Variants in SPEF2 observed in about 807,000 individuals in gnomAD.
SPEF2 encodes the protein sperm flagella and cilia-associated protein 2.
A neutral mutation model predicts 224.6 loss-of-function variants in SPEF2; 187 were observed. That is an observed-to-expected ratio of 0.83 (90% CI 0.74 to 0.94). The LOEUF is 0.94. SPEF2 is among the 40% of genes least tolerant of loss of function. SPEF2 has a pLI of 0.00. For missense variants in SPEF2, 2,170 were observed against 2,135.6 expected (o/e 1.02, Z -0.32); for synonymous variants, 715 against 707.3 (o/e 1.01, Z -0.17).
At chr5:35,694,187 T>C (rs1187833913) in intron 12 of SPEF2, 101 bp from the exon 13 acceptor site, 4 of 832,348 alleles carry the variant, frequency 4.8e-6, no homozygotes, top group Non-Finnish European at 7.6e-6. Flanking sequence ...CAAAAAGTAT[T>C]GTATTTGTTC....
chr5:35,758,599 A>T (rs886068783), intron 24 of SPEF2, among the ~76,000 whole-genome samples: 4 of 152,160 alleles, frequency 2.6e-5, no homozygotes, highest in African/African-American at 9.7e-5. Context: ...TTCACAAGGT[A>T]CTTACTGGCA....
At position 35,654,030 on chromosome 5, in the gene SPEF2, G is replaced by A. The variant is rs1288919502; in HGVS notation, c.792-510G>A. On this transcript the variant is annotated intron_variant, in intron 6 of 36. Transcript: ENST00000356031. The stretch of plus-strand genomic sequence containing the variant: ...ATCCTCAGCACTTTGGAAGGCCAAG[G>A]TGGGCAGATCACCTGAGGTCAGGAG... Among the ~76,000 whole-genome samples, 3 of 150,814 alleles carry A rather than the reference G, an allele frequency of 2.0e-5. No individual in the cohort carries two copies. In the East Asian group the frequency reaches 5.9e-4, roughly 30 times the overall value.
chr5:35,773,660 A>G (rs1753193384), intron 27 of SPEF2, among the ~76,000 whole-genome samples: 1 of 152,114 alleles, frequency 6.6e-6, no homozygotes, highest in Non-Finnish European at 1.5e-5. Flanking sequence ...TTTTAATTAT[A>G]CTACACAAAT....
intron 36 of SPEF2, among the ~76,000 whole-genome samples, chr5:35,808,708 A>G (rs1179262215): frequency 6.8e-6 from 1 of 147,502 alleles, no homozygotes; most frequent in Non-Finnish European, 1.5e-5. Context: ...ACATATATAT[A>G]CACACACATA....
intron 36 of SPEF2, among the ~76,000 whole-genome samples, chr5:35,812,250 C>G (rs1378604803): frequency 2.6e-5 from 4 of 152,058 alleles, no homozygotes; most frequent in African/African-American, 9.7e-5. Context: ...ACACATATGT[C>G]TTGTCTTTGG....
At chr5:35,763,900 C>T (rs1751710285) in intron 26 of SPEF2, among the ~76,000 whole-genome samples, 198 bp downstream of exon 26, 1 of 152,128 alleles carries the variant, frequency 6.6e-6, no homozygotes, top group Non-Finnish European at 1.5e-5. Flanking sequence ...AACGAACCAA[C>T]ATTTAGGTTA....
chr5:35,718,998 T>C (rs1015828209), intron 20 of SPEF2, among the ~76,000 whole-genome samples: 11 of 152,216 alleles, frequency 7.2e-5, no homozygotes, highest in African/African-American at 2.4e-4. Context: ...GCTATAGTTA[T>C]GCTTACTAAG....
At chr5:35,785,287 A>G (rs1207402781) in intron 30 of SPEF2, among the ~76,000 whole-genome samples, 3 of 152,168 alleles carry the variant, frequency 2.0e-5, no homozygotes, top group Non-Finnish European at 4.4e-5. Flanking sequence ...GTGGATCTAG[A>G]AGGCTTTAGA....
chr5:35,756,204 A>G (rs924195409), intron 24 of SPEF2, among the ~76,000 whole-genome samples: 1 of 152,172 alleles, frequency 6.6e-6, no homozygotes, highest in African/African-American at 2.4e-5. Flanking sequence ...TCCACCCTGT[A>G]GATGCTACCT....
At chr5:35,745,737 C>A (rs1748416051) in intron 23 of SPEF2, among the ~76,000 whole-genome samples, 1 of 152,214 alleles carries the variant, frequency 6.6e-6, no homozygotes, top group Non-Finnish European at 1.5e-5. Flanking sequence ...TTCCTACCCA[C>A]CCTGGTAGTG....
intron 21 of SPEF2, among the ~76,000 whole-genome samples, chr5:35,738,365 T>C (rs899198899): frequency 2.0e-5 from 3 of 151,908 alleles, no homozygotes; most frequent in African/African-American, 7.3e-5. Context: ...TTCAAGTCTT[T>C]AATCCATCTT....
At chr5:35,788,804 C>T in intron 30 of SPEF2, 1 of 702,952 alleles carries the variant, frequency 1.4e-6, no homozygotes, top group Non-Finnish European at 2.6e-6. Context: ...AGCGGTGTTC[C>T]AGAACATTCC....
chr5:35,671,869 A>G (rs1449327755), intron 10 of SPEF2, among the ~76,000 whole-genome samples: 7 of 151,796 alleles, frequency 4.6e-5, no homozygotes, highest in Non-Finnish European at 8.8e-5. Flanking sequence ...GTTTTTCTAG[A>G]AATGAAAATT....
In SPEF2 at chr5:35,763,560, C is replaced by T; in HGVS notation, c.3659C>T (p.Thr1220Ile). ...CCTCGAATATCCATTTCTCTGGAAA[C>T]AGTTACACCCAAACCAAAAACAAAA... ...LVPRISISLE[T>I]VTPKPKTKSV... Residue 1220 changes from threonine to isoleucine, a missense_variant, in exon 26 of 37, where the codon ACA (threonine) becomes ATA (isoleucine). Coordinates refer to ENST00000356031, the MANE Select transcript of SPEF2 (RefSeq NM_024867.4). 6.2e-7 allele frequency: 1 copy of T among 1,608,650 alleles called. No individual in the cohort carries two copies. Among genetic ancestry groups the T allele is most frequent in the Admixed American group, 1.7e-5 (1 of 58,560 alleles).
Position 35,694,412 on chromosome 5 carries a change from A to G in SPEF2, c.1975+49A>G, listed in dbSNP as rs766492179. On this transcript the variant is annotated intron_variant, in intron 13 of 36. Coordinates refer to ENST00000356031, the MANE Select transcript of SPEF2 (RefSeq NM_024867.4). ...TATTATTTACATTAGAGAGAGAAAC[A>G]ATGAGAGCACATATATGTGAGCACA... is the stretch of plus-strand genomic sequence containing the variant. The G allele has an allele frequency of 8.7e-6, 13 of 1,488,146 alleles. No individual in the cohort carries two copies. The African/African-American group carries it at 1.8e-4, about 21-fold the overall frequency. The allele number at this position is 1,488,146 out of a possible 1,614,324, so 92.2% of individuals were successfully genotyped here.
At chr5:35,647,809 A>C (rs1007451819) in intron 5 of SPEF2, among the ~76,000 whole-genome samples, 3 of 152,204 alleles carry the variant, frequency 2.0e-5, no homozygotes, top group Non-Finnish European at 4.4e-5. Flanking sequence ...ACTTGTTGCT[A>C]TCAGTATATT....
intron 1 of SPEF2, among the ~76,000 whole-genome samples, chr5:35,623,975 T>A (rs1743861620): frequency 6.6e-6 from 1 of 152,212 alleles, no homozygotes; most frequent in African/African-American, 2.4e-5. Context: ...TGAGAAACTA[T>A]GGCTACATAG....
At chr5:35,800,932 T>A (rs1017240933) in intron 34 of SPEF2, among the ~76,000 whole-genome samples, 6 of 152,128 alleles carry the variant, frequency 3.9e-5, no homozygotes, top group African/African-American at 1.4e-4. Context: ...AGTAGAATAG[T>A]CTGAAAGGAA....
intron 5 of SPEF2, among the ~76,000 whole-genome samples, chr5:35,647,195 GT>G (rs1244852851): frequency 1.3e-5 from 2 of 152,166 alleles, no homozygotes; most frequent in African/African-American, 4.8e-5. Flanking sequence ...AGAGGTTTAT[GT>G]CACTTATGTT....
Sources: gnomAD v4.1 joint callset for allele counts (sites outside exome capture counted in the v4.1 genomes callset) on GRCh38, gnomAD v4.1.1 for gene constraint, MANE v1.5 for transcripts, NCBI Gene and HGNC (gene_info 2026-07-23, HGNC 2026-07-21) for gene names.